DNAH8: variants seen among roughly 807,000 people sequenced by gnomAD.
DNAH8 encodes dynein axonemal heavy chain 8.
Under a neutral mutation model 562.1 loss-of-function variants are expected in DNAH8, and 382 were observed. The ratio of observed to expected loss-of-function variants is 0.68; its 90% CI spans 0.63 to 0.74. DNAH8 has a LOEUF of 0.74. Among genes scored for constraint, DNAH8 ranks in the 30% least tolerant of loss-of-function variants. The pLI is 0.00. For missense variants in DNAH8, 5,203 were observed against 5,620.4 expected, an observed-to-expected ratio of 0.93 and a Z score of 2.37; for synonymous variants, 1,881 against 1,919.4, an observed-to-expected ratio of 0.98 and a Z score of 0.52.
intron 33 of DNAH8, among the ~76,000 whole-genome samples, chr6:38,839,685 G>A (rs910587151): frequency 4.0e-5 from 6 of 149,848 alleles, no homozygotes; most frequent in South Asian, 2.1e-4. Context: ...TTTTTGAGAC[G>A]GAGTTTCACT....
intron 9 of DNAH8, among the ~76,000 whole-genome samples, chr6:38,754,903 A>G (rs1765775365): frequency 6.6e-6 from 1 of 151,932 alleles, no homozygotes; most frequent in Admixed American, 6.6e-5. Context: ...TACTACCTTA[A>G]ATTATTAGTT....
At chr6:38,751,199 G>C (rs1262618625) in intron 9 of DNAH8, among the ~76,000 whole-genome samples, 1 of 152,186 alleles carries the variant, frequency 6.6e-6, no homozygotes, top group South Asian at 2.1e-4. Flanking sequence ...TCACTCATGT[G>C]GTTATTGGAA....
intron 9 of DNAH8, among the ~76,000 whole-genome samples, chr6:38,753,643 C>T (rs940097203): frequency 1.1e-4 from 17 of 152,236 alleles, no homozygotes; most frequent in Non-Finnish European, 1.6e-4. Context: ...CTCTTCATTG[C>T]TATCAAGACT....
At chr6:38,885,290 A>C (rs1561816089) in intron 56 of DNAH8, among the ~76,000 whole-genome samples, 1 of 152,106 alleles carries the variant, frequency 6.6e-6, no homozygotes, top group Non-Finnish European at 1.5e-5. Flanking sequence ...GCACCTCCAC[A>C]GTCACTCTGT....
chr6:38,870,536 C>A lies in DNAH8; in HGVS notation c.6964C>A (p.Pro2322Thr). 6.2e-7 allele frequency: 1 copy of A among 1,613,864 alleles called. No individual in the cohort carries two copies. Residue 2322 changes from proline (P) to threonine (T), a missense_variant, in exon 49 of 93, where the codon CCA (proline) becomes ACA (threonine). Pro to Thr is a conservative substitution (Grantham distance 38). Coordinates refer to ENST00000327475, the MANE Select transcript of DNAH8 (RefSeq NM_001206927.2). Reference sequence around the variant, plus strand: ...TCAGATAGAGGGTTTGATTAACCATCCACCCTGGAACCTGAAACTCGTGCA... The same window carrying A: ...TCAGATAGAGGGTTTGATTAACCATACACCCTGGAACCTGAAACTCGTGCA... Reference protein sequence around the residue: ...QVQIEGLINHPPWNLKLVQLY... With the variant: ...QVQIEGLINHTPWNLKLVQLY...
intron 65 of DNAH8, among the ~76,000 whole-genome samples, chr6:38,910,048 C>T (rs1780768468): frequency 1.3e-5 from 2 of 152,198 alleles, no homozygotes; most frequent in Admixed American, 6.5e-5. Context: ...TTAACTAATT[C>T]ATCACCAACT....
rs1777546759 is a variant in DNAH8, at chr6:38,872,544, G to C, written c.6999G>C (p.Glu2333Asp). 1 of 1,613,754 alleles carries C rather than the reference G, an allele frequency of 6.2e-7. No individual in the cohort carries two copies. The highest frequency in any genetic ancestry group is 1.7e-5 in the Admixed American group (1 of 59,984). The change falls in exon 50 of 93, where the codon GAG becomes GAC. Residue 2333 changes from glutamate (E) to aspartate (D), a missense_variant. By Grantham distance (45) the Glu-to-Asp change is conservative. This residue lies in a region of DNAH8 where 2,176 missense variants were observed against 2,365.1 expected (regional missense o/e 0.92). Coordinates refer to ENST00000327475, the MANE Select transcript of DNAH8 (RefSeq NM_001206927.2). Reference protein sequence around the residue: ...PWNLKLVQLYETSLVRHGLMT... With the variant: ...PWNLKLVQLYDTSLVRHGLMT... ...ACTGGTTAATTGTGTAGTTATATGA[G>C]ACGTCTTTGGTACGGCATGGCTTGA...
chr6:38,861,360 A>G lies in DNAH8; in HGVS notation c.6131+731A>G, dbSNP rs189036529. ...GTTTACATATTAAGCATCGTGTCTC[A>G]TGAAGCTTTACTAAGATCTTTACTA... On this transcript the variant is annotated intron_variant, in intron 43 of 92. Coordinates refer to ENST00000327475, the MANE Select transcript of DNAH8 (RefSeq NM_001206927.2). Among the ~76,000 whole-genome samples the G allele has an allele frequency of 1.8e-3, 273 of 152,332 alleles. 1 individual carries two copies. Among genetic ancestry groups the G allele is most frequent in the Non-Finnish European group, 3.0e-3 (202 of 68,026 alleles).
chr6:38,942,939 G>A (rs1783581545), intron 79 of DNAH8, among the ~76,000 whole-genome samples: 1 of 152,230 alleles, frequency 6.6e-6, no homozygotes, highest in Non-Finnish European at 1.5e-5. Flanking sequence ...CGGCAACACA[G>A]TGGGGAGGGA....
intron 7 of DNAH8, among the ~76,000 whole-genome samples, chr6:38,738,605 T>C (rs1284427950): frequency 6.6e-6 from 1 of 152,192 alleles, no homozygotes; most frequent in East Asian, 1.9e-4. Flanking sequence ...CTCTAGTTCA[T>C]CAGCACAGGA....
intron 11 of DNAH8, among the ~76,000 whole-genome samples, chr6:38,769,536 T>C (rs1335308433): frequency 6.6e-6 from 1 of 152,194 alleles, no homozygotes; most frequent in Non-Finnish European, 1.5e-5. Context: ...GTTAAAAATA[T>C]AGATTTCTAA....
chr6:39,007,955 A>C (rs1052707498), intron 88 of DNAH8, among the ~76,000 whole-genome samples: 2 of 107,830 alleles, frequency 1.9e-5, no homozygotes, highest in Non-Finnish European at 3.6e-5. Flanking sequence ...ACCCACACAC[A>C]CACACACATT....
chr6:38,938,768 T>C, intron 78 of DNAH8, 30 bp from the exon 79 acceptor site: 2 of 1,531,000 alleles, frequency 1.3e-6, no homozygotes, highest in Non-Finnish European at 1.8e-6. Context: ...AATTGCCCTT[T>C]GCTTCTTTGA....
At chr6:38,936,874 G>A (rs1161674763) in intron 77 of DNAH8, among the ~76,000 whole-genome samples, 4 of 152,196 alleles carry the variant, frequency 2.6e-5, no homozygotes, top group Non-Finnish European at 5.9e-5. Context: ...CTCTAGGGTA[G>A]GCCAGAGTGC....
chr6:38,759,197 A>G (rs1486265815), intron 10 of DNAH8, among the ~76,000 whole-genome samples: 2 of 152,042 alleles, frequency 1.3e-5, no homozygotes, highest in Non-Finnish European at 2.9e-5. Flanking sequence ...AGTCCTAGCT[A>G]TTCCAGAGGC....
At chr6:38,878,513 A>C (rs1319856292) in intron 53 of DNAH8, among the ~76,000 whole-genome samples, 1 of 152,168 alleles carries the variant, frequency 6.6e-6, no homozygotes, top group Non-Finnish European at 1.5e-5. Context: ...CAGCAACAGA[A>C]AAAAATCAAT....
rs954693272 is a variant in DNAH8 at position 38,966,077 on chromosome 6, AAAGATC to A, written c.12452-5512_12452-5507del. 1.1e-4 allele frequency among the ~76,000 whole-genome samples: 16 copies of A among 152,272 alleles called. No individual in the cohort carries two copies. In the South Asian group the frequency reaches 3.3e-3, roughly 32 times the overall value. ...CAAGAAGTCAAAGGTATCTTTTTTGAAAGATCAATAAAACTGACAAATATTTAGCTA... is the reference window on the plus strand; with the variant it reads ...CAAGAAGTCAAAGGTATCTTTTTTGAAATAAAACTGACAAATATTTAGCTA... On this transcript the variant is annotated intron_variant, in intron 82 of 92. Transcript: ENST00000327475.
intron 4 of DNAH8, among the ~76,000 whole-genome samples, chr6:38,732,898 AT>A (rs1004144724): frequency 2.7e-5 from 4 of 149,758 alleles, no homozygotes; most frequent in South Asian, 2.1e-4. Context: ...TTCCTTTTTT[AT>A]TTTTTTTTGA....
chr6:38,750,475 G>GAATT lies in DNAH8; in HGVS notation c.1294_1297dup (p.Trp433Ter). The GAATT allele has an allele frequency of 6.3e-7, 1 of 1,596,630 alleles. No homozygotes were observed. On this transcript the variant is annotated frameshift_variant and splice_region_variant. Transcript: ENST00000327475. LOFTEE classifies it high-confidence loss of function. ...AGAATTCTTATACCTTTTTTTCTTA[G>GAATT]AATTGGCGTGATTTGGATGCAAGAA...
Sources: allele counts gnomAD v4.1 joint callset (sites outside exome capture counted in the v4.1 genomes callset), GRCh38; gene constraint gnomAD v4.1.1; regional missense constraint gnomAD v4.1.1; transcripts MANE v1.5; gene names NCBI Gene and HGNC (gene_info 2026-07-23, HGNC 2026-07-21).